NDUFAF6: variants seen among roughly 807,000 people sequenced by gnomAD.
NDUFAF6 encodes NADH:ubiquinone oxidoreductase complex assembly factor 6.
In NDUFAF6, 45 loss-of-function variants were observed where a neutral mutation model predicts 40.8. The observed-to-expected ratio is 1.10, with a 90% CI of 0.87 to 1.42. NDUFAF6 has a LOEUF of 1.42. Ranked by LOEUF, NDUFAF6 falls within the 40% of genes most tolerant of loss-of-function variation. The pLI, the probability that NDUFAF6 is intolerant of heterozygous loss-of-function variation, is 0.00. For missense variants in NDUFAF6, 435 were observed against 418.5 expected (o/e 1.04, Z -0.34); for synonymous variants, 185 against 155.9 (o/e 1.19, Z -1.39).
At chr8:94,926,366 C>T (rs1819891945) in intron 1 of NDUFAF6, 2 of 151,486 alleles carry the variant, frequency 1.3e-5, no homozygotes, top group Middle Eastern at 3.4e-3. Flanking sequence ...TGCCCTGCCC[C>T]TATAAAGGAA....
intron 4 of NDUFAF6, among the ~76,000 whole-genome samples, chr8:95,114,680 C>A (rs1810090433): frequency 6.6e-6 from 1 of 152,050 alleles, no homozygotes; most frequent in Admixed American, 6.5e-5. Context: ...TTTCATTCAC[C>A]CGGTATATAC....
intron 1 of NDUFAF6, among the ~76,000 whole-genome samples, chr8:94,968,036 T>C (rs949530607): frequency 6.6e-6 from 1 of 152,102 alleles, no homozygotes; most frequent in Non-Finnish European, 1.5e-5. Context: ...ACATGGTAGT[T>C]GGCAGGCCCC....
intron 2 of NDUFAF6, among the ~76,000 whole-genome samples, chr8:95,088,687 TTTTG>T (rs776129392): frequency 1.6e-4 from 20 of 126,874 alleles, no homozygotes; most frequent in African/African-American, 5.0e-4. Flanking sequence ...TTTTTTGGGG[TTTTG>T]TGTGTGTGTG....
chr8:94,941,191 C>T, intron 1 of NDUFAF6: 1 of 344,120 alleles, frequency 2.9e-6, no homozygotes, highest in Non-Finnish European at 5.2e-6. Flanking sequence ...AAGCATATGC[C>T]TTGGCCTACA....
At chr8:94,960,993 C>T (rs1012008463) in intron 1 of NDUFAF6, among the ~76,000 whole-genome samples, 17 of 152,198 alleles carry the variant, frequency 1.1e-4, no homozygotes, top group African/African-American at 4.1e-4. Context: ...GACCAAAACT[C>T]TAAAAGGCCA....
At chr8:94,988,292 G>A (rs924500230) in intron 2 of NDUFAF6, 1 of 152,196 alleles carries the variant, frequency 6.6e-6, no homozygotes, top group Non-Finnish European at 1.5e-5. Flanking sequence ...GCTAAACTGT[G>A]ATGGTTGTTG....
chr8:95,014,050 G>A (rs1345066830), intron 2 of NDUFAF6, among the ~76,000 whole-genome samples: 1 of 152,340 alleles, frequency 6.6e-6, no homozygotes, highest in East Asian at 1.9e-4. Context: ...GAAGCTAGCA[G>A]AGAGGCACAG....
chr8:95,117,824 C>A (rs1810166560), downstream of NDUFAF6, among the ~76,000 whole-genome samples: 1 of 152,230 alleles, frequency 6.6e-6, no homozygotes, highest in East Asian at 1.9e-4. Flanking sequence ...GTTGTAAGAA[C>A]AAAGCAGCCT....
At chr8:95,108,331 A>G (rs58803582), downstream of NDUFAF6, among the ~76,000 whole-genome samples, 5,202 of 152,248 alleles carry the variant, frequency 0.034, 257 homozygotes, top group African/African-American at 0.11. Flanking sequence ...TAATTGGCTA[A>G]ATAAAGTGTG....
rs971731774 is a variant in NDUFAF6 at position 94,901,989 on chromosome 8, C to T, written c.-936+6062C>T. On this transcript the variant is annotated intron_variant, in intron 1 of 14. Transcript: ENST00000396113. ...CACTATCAACATTTTGCTATGCTTA[C>T]TTCATCACAGATCTCTCCATCTATC... Among the ~76,000 whole-genome samples the T allele has an allele frequency of 7.5e-4, 114 of 152,284 alleles. 1 individual carries two copies. Among genetic ancestry groups the T allele is most frequent in the African/African-American group, 2.7e-3 (111 of 41,566 alleles).
chr8:94,968,352 C>T (rs547843119), intron 1 of NDUFAF6, among the ~76,000 whole-genome samples: 2 of 152,268 alleles, frequency 1.3e-5, no homozygotes, highest in South Asian at 2.1e-4. Context: ...AATAAACAAA[C>T]GTGTATCATA....
chr8:94,945,873 C>T (rs996301576), intron 2 of NDUFAF6, among the ~76,000 whole-genome samples: 6 of 152,122 alleles, frequency 3.9e-5, no homozygotes, highest in Non-Finnish European at 4.4e-5. Context: ...AGAAAAGAAC[C>T]CCTCAATACA....
intron 2 of NDUFAF6, among the ~76,000 whole-genome samples, chr8:95,094,385 TC>T (rs1563865584): frequency 2.4e-4 from 22 of 91,230 alleles, no homozygotes; most frequent in Admixed American, 5.0e-4. Flanking sequence ...TTTCCTTCTT[TC>T]TTTTCTTTTC....
intron 4 of NDUFAF6, among the ~76,000 whole-genome samples, chr8:95,110,110 T>A (rs1042958683): frequency 2.0e-5 from 3 of 152,216 alleles, no homozygotes; most frequent in African/African-American, 7.2e-5. Flanking sequence ...TAATAGCCAA[T>A]GATGGTGACT....
intron 1 of NDUFAF6, among the ~76,000 whole-genome samples, chr8:94,912,285 TA>T (rs1232315641): frequency 1.3e-5 from 2 of 152,164 alleles, no homozygotes; most frequent in Non-Finnish European, 2.9e-5. Flanking sequence ...GCCTTTTGAG[TA>T]AAATAAGGTC....
upstream of NDUFAF6, among the ~76,000 whole-genome samples, chr8:95,099,101 G>A (rs914806955): frequency 2.6e-4 from 39 of 152,000 alleles, no homozygotes; most frequent in African/African-American, 8.0e-4. Flanking sequence ...TTAGCTGGGC[G>A]TGGTGGCAGG....
In NDUFAF6 at chr8:94,932,409, T is replaced by A. The variant is rs147698376; in HGVS notation, c.-935-13074T>A. The stretch of plus-strand genomic sequence containing the variant: ...AGCAATCTGACTTCTGAAAGACATA[T>A]GATTCATTTCCTGCTAAGAAAACAG... On this transcript the variant is annotated intron_variant, in intron 1 of 14. Coordinates refer to the NDUFAF6 transcript ENST00000396113. Among the ~76,000 whole-genome samples the A allele has an allele frequency of 4.2e-3, 636 of 152,350 alleles. 8 individuals carry two copies. The highest frequency in any genetic ancestry group is 0.015 in the African/African-American group (614 of 41,586).
At chr8:95,100,822 T>C (rs1172429547) in intron 1 of NDUFAF6, among the ~76,000 whole-genome samples, 1 of 152,224 alleles carries the variant, frequency 6.6e-6, no homozygotes, top group Non-Finnish European at 1.5e-5. Context: ...TGCCTATTAC[T>C]TTGTTTGTTC....
intron 9 of NDUFAF6, among the ~76,000 whole-genome samples, chr8:95,069,704 C>T (rs1339036761): frequency 2.0e-5 from 3 of 148,978 alleles, no homozygotes; most frequent in African/African-American, 5.0e-5. Context: ...CGCTGGAACC[C>T]GGGAGGCAGA....
Sources: gnomAD v4.1 joint callset for allele counts (sites outside exome capture counted in the v4.1 genomes callset) on GRCh38, gnomAD v4.1.1 for gene constraint, MANE v1.5 for transcripts, NCBI Gene and HGNC (gene_info 2026-07-23, HGNC 2026-07-21) for gene names.